Variants in SAMD12 observed in about 807,000 individuals in gnomAD.
SAMD12 encodes the protein sterile alpha motif domain-containing protein 12.
A neutral mutation model predicts 15.0 loss-of-function variants in SAMD12; 9 were observed. The ratio of observed to expected loss-of-function variants is 0.60; its 90% confidence interval spans 0.36 to 1.05. SAMD12 has a LOEUF of 1.05. Ranked by LOEUF, SAMD12 falls within the 50% of genes least tolerant of loss-of-function variation. The pLI is 0.01. For synonymous variants in SAMD12, 86 were observed against 90.1 expected, an observed-to-expected ratio of 0.96 and a Z score of 0.25; for missense variants, 230 against 234.2, an observed-to-expected ratio of 0.98 and a Z score of 0.12.
chr8:118,379,917 A>T (rs1188685207), intron 3 of SAMD12, among the ~76,000 whole-genome samples: 1 of 152,218 alleles, frequency 6.6e-6, no homozygotes, highest in Non-Finnish European at 1.5e-5. Context: ...TTAATTGAAC[A>T]TTGGGAAACC....
chr8:118,336,257 G>A (rs919081285), intron 4 of SAMD12, among the ~76,000 whole-genome samples: 7 of 152,204 alleles, frequency 4.6e-5, no homozygotes, highest in Non-Finnish European at 7.4e-5. Flanking sequence ...TGTCAGAGAC[G>A]GCTAAATATG....
intron 2 of SAMD12, among the ~76,000 whole-genome samples, chr8:118,452,750 A>G (rs1330809870): frequency 6.6e-6 from 1 of 152,212 alleles, no homozygotes; most frequent in Non-Finnish European, 1.5e-5. Context: ...GCTCAGAGTA[A>G]AAAACATGAA....
chr8:118,510,623 G>A (rs966531739), intron 2 of SAMD12, among the ~76,000 whole-genome samples: 2 of 152,162 alleles, frequency 1.3e-5, no homozygotes, highest in African/African-American at 4.8e-5. Context: ...GTGTAAACTT[G>A]GCATGGTCAC....
chr8:118,170,242 C>T, the SAMD12 span, among the ~76,000 whole-genome samples: 2 of 152,116 alleles, frequency 1.3e-5, no homozygotes, highest in African/African-American at 2.4e-5. Flanking sequence ...GCCATCCATA[C>T]TTAGTTTGGC....
At chr8:118,402,670 T>C (rs191280816) in intron 3 of SAMD12, among the ~76,000 whole-genome samples, 254 of 152,304 alleles carry the variant, frequency 1.7e-3, no homozygotes, top group Middle Eastern at 3.4e-3. Flanking sequence ...GCCATAAATA[T>C]TCTCCTGTGT....
chr8:118,546,453 A>C (rs576392107), intron 2 of SAMD12, among the ~76,000 whole-genome samples: 1 of 152,048 alleles, frequency 6.6e-6, no homozygotes, highest in East Asian at 1.9e-4. Context: ...GCCCACCGGG[A>C]GGGGAGGCAA....
chr8:118,433,412 C>CT (rs67140443), intron 3 of SAMD12, among the ~76,000 whole-genome samples: 13,913 of 148,190 alleles, frequency 0.094, 1,632 homozygotes, highest in African/African-American at 0.28. Context: ...TTGAAAGGGT[C>CT]TTTTTTTTTT....
At chr8:118,356,348 G>A (rs1002356758) in intron 4 of SAMD12, among the ~76,000 whole-genome samples, 10 of 152,116 alleles carry the variant, frequency 6.6e-5, no homozygotes, top group African/African-American at 1.9e-4. Context: ...AATGGAAGCC[G>A]GTGTAGGGCA....
intron 2 of SAMD12, among the ~76,000 whole-genome samples, chr8:118,445,400 C>A (rs1305601904): frequency 1.3e-5 from 2 of 152,086 alleles, no homozygotes; most frequent in African/African-American, 4.8e-5. Context: ...CATGCTGTTT[C>A]CCGAATGGTC....
chr8:118,349,762 C>A (rs369564723), intron 4 of SAMD12, among the ~76,000 whole-genome samples: 1 of 152,208 alleles, frequency 6.6e-6, no homozygotes, highest in Non-Finnish European at 1.5e-5. Flanking sequence ...CATCAAAGCT[C>A]GTTTCCTCCC....
intron 4 of SAMD12, among the ~76,000 whole-genome samples, chr8:118,267,701 TTGTGTG>T (rs10671962): frequency 7.5e-5 from 11 of 147,608 alleles, no homozygotes; most frequent in African/African-American, 1.7e-4. Context: ...TTCCCATCTG[TTGTGTG>T]TGTGTGTGTG....
chr8:118,593,426 A>C (rs1355687936), intron 1 of SAMD12, among the ~76,000 whole-genome samples: 3 of 152,212 alleles, frequency 2.0e-5, no homozygotes, highest in Non-Finnish European at 2.9e-5. Flanking sequence ...ATAACAGCTC[A>C]ATACTTCTGA....
At chr8:118,486,465 G>A (rs571441663) in intron 2 of SAMD12, among the ~76,000 whole-genome samples, 2 of 151,876 alleles carry the variant, frequency 1.3e-5, no homozygotes, top group Non-Finnish European at 2.9e-5. Flanking sequence ...AGAGAGCTGT[G>A]ACGTGAAGGC....
chr8:118,375,838 G>A (rs1022171477), downstream of SAMD12: 1 of 152,116 alleles, frequency 6.6e-6, no homozygotes, highest in Non-Finnish European at 1.5e-5. Flanking sequence ...TTAGCTTCTT[G>A]TACATCATTC....
intron 4 of SAMD12, among the ~76,000 whole-genome samples, chr8:118,219,982 C>T (rs1242235059): frequency 1.3e-5 from 2 of 152,206 alleles, no homozygotes; most frequent in East Asian, 3.9e-4. Flanking sequence ...CAGAATTTAT[C>T]CCTGAGTTTC....
chr8:118,334,154 C>T (rs1816943252), intron 4 of SAMD12, among the ~76,000 whole-genome samples: 1 of 152,176 alleles, frequency 6.6e-6, no homozygotes, highest in South Asian at 2.1e-4. Flanking sequence ...TCATTGTATT[C>T]TAATTTATCT....
At chr8:118,189,960 A>G (rs1295729510) in exon 5 of SAMD12, 1 of 151,430 alleles carries the variant, frequency 6.6e-6, no homozygotes, top group Admixed American at 6.6e-5. Flanking sequence ...AAAAAAAAAA[A>G]AAAAAAAAAG....
intron 4 of SAMD12, among the ~76,000 whole-genome samples, chr8:118,251,485 CT>C (rs1282078826): frequency 6.6e-6 from 1 of 152,092 alleles, no homozygotes; most frequent in Admixed American, 6.6e-5. Context: ...TTCACCAGGT[CT>C]TTTTACGCCC....
intron 2 of SAMD12, among the ~76,000 whole-genome samples, chr8:118,580,043 G>C (rs1389887546): frequency 6.6e-6 from 1 of 152,012 alleles, no homozygotes; most frequent in Non-Finnish European, 1.5e-5. Flanking sequence ...CCTATGTTTA[G>C]GTTAAAGACT....
Sources: gnomAD v4.1 joint callset for allele counts (sites outside exome capture counted in the v4.1 genomes callset) on GRCh38, gnomAD v4.1.1 for gene constraint, MANE v1.5 for transcripts, NCBI Gene and HGNC (gene_info 2026-07-23, HGNC 2026-07-21) for gene names.